NR1D2: variants seen among roughly 807,000 people sequenced by gnomAD.
NR1D2 encodes nuclear receptor subfamily 1 group D member 2.
Under a neutral mutation model 52.2 loss-of-function variants are expected in NR1D2, and 25 were observed. The observed-to-expected ratio is 0.48, with a 90% CI of 0.35 to 0.67. NR1D2 has a LOEUF of 0.67. Among genes scored for constraint, NR1D2 ranks in the 30% least tolerant of loss-of-function variants. The pLI, the probability that NR1D2 is intolerant of heterozygous loss-of-function variation, is 0.01. For synonymous variants in NR1D2, 259 were observed against 230.1 expected (o/e 1.13, Z -1.14); for missense variants, 681 against 707.2 (o/e 0.96, Z 0.42).
intron 7 of NR1D2, among the ~76,000 whole-genome samples, chr3:23,975,707 G>T (rs902309968): frequency 6.6e-6 from 1 of 152,032 alleles, no homozygotes; most frequent in Non-Finnish European, 1.5e-5. Context: ...GTAGTGAGCC[G>T]AGATCGCACC....
chr3:23,955,369 G>C (rs1706053917), intron 2 of NR1D2, among the ~76,000 whole-genome samples: 1 of 152,106 alleles, frequency 6.6e-6, no homozygotes, highest in Non-Finnish European at 1.5e-5. Flanking sequence ...AGTTCTGGTT[G>C]CATATCTGGT....
At chr3:23,965,425 T>G (rs1336404267) in intron 6 of NR1D2, among the ~76,000 whole-genome samples, 1 of 150,974 alleles carries the variant, frequency 6.6e-6, no homozygotes, top group African/African-American at 2.4e-5. Flanking sequence ...TTTTTTTTTT[T>G]TTGTAGAAAC....
rs966309923 is a variant in NR1D2 at position 23,979,610 on chromosome 3, A to T, written c.*2191A>T. Reference sequence around the variant, plus strand: ...TTTGCATTTTGTCTTGTAAAATTTTATTTGAATAAATTCTTCCTGTAGGTA... The same window carrying T: ...TTTGCATTTTGTCTTGTAAAATTTTTTTTGAATAAATTCTTCCTGTAGGTA... On this transcript the variant is annotated 3_prime_UTR_variant, in exon 8 of 8. Coordinates refer to ENST00000312521, the MANE Select transcript of NR1D2 (RefSeq NM_005126.5). The T allele has an allele frequency of 1.5e-4, 23 of 152,084 alleles. No homozygotes were observed. The highest frequency in any genetic ancestry group is 1.3e-3 in the Admixed American group (20 of 15,274). 9.4% of individuals were successfully genotyped at this position (152,084 alleles called of 1,614,324 possible).
At chr3:23,954,499 C>T (rs781447747) in intron 1 of NR1D2, 38 bp from the exon 2 acceptor site, 17 of 1,569,344 alleles carry the variant, frequency 1.1e-5, no homozygotes, top group Non-Finnish European at 1.1e-5. Flanking sequence ...TACGTATTAT[C>T]TTGTATCTAA....
intron 2 of NR1D2, 48 bp from the exon 3 acceptor site, chr3:23,955,989 A>G: frequency 7.6e-7 from 1 of 1,309,626 alleles, no homozygotes; most frequent in Non-Finnish European, 1.1e-6. Context: ...AAGAAAACAG[A>G]CTCGGTGTTT....
At chr3:23,954,309 C>G (rs1706025382) in intron 1 of NR1D2, among the ~76,000 whole-genome samples, 1 of 152,188 alleles carries the variant, frequency 6.6e-6, no homozygotes, top group South Asian at 2.1e-4. Context: ...GTGTGCCGGG[C>G]CTATCTCCCT....
chr3:23,956,006 A>G (rs372780630), intron 2 of NR1D2, 31 bp from the exon 3 acceptor site: 8 of 1,508,252 alleles, frequency 5.3e-6, no homozygotes, highest in Non-Finnish European at 5.5e-6. Context: ...GTTTCCTCCT[A>G]CTTTTTACTT....
intron 1 of NR1D2, among the ~76,000 whole-genome samples, chr3:23,950,147 T>A (rs905934913): frequency 2.0e-5 from 3 of 152,220 alleles, no homozygotes; most frequent in Admixed American, 2.0e-4. Flanking sequence ...TCAAAAACAG[T>A]GTATGAAAAA....
intron 3 of NR1D2, among the ~76,000 whole-genome samples, chr3:23,957,346 G>C (rs1706106712): frequency 6.9e-6 from 1 of 144,960 alleles, no homozygotes; most frequent in African/African-American, 2.6e-5. Flanking sequence ...TATAGATGTA[G>C]CATTTTTTTC....
At chr3:23,950,173 C>T (rs751529542) in intron 1 of NR1D2, among the ~76,000 whole-genome samples, 19 of 152,306 alleles carry the variant, frequency 1.2e-4, no homozygotes, top group Middle Eastern at 3.4e-3. Context: ...TTATGAATGC[C>T]ATTTCATTTC....
chr3:23,954,228 C>T (rs1404346474), intron 1 of NR1D2, among the ~76,000 whole-genome samples: 1 of 152,124 alleles, frequency 6.6e-6, no homozygotes, highest in African/African-American at 2.4e-5. Context: ...AGGCTGGTCT[C>T]AAATTCCTAG....
intron 1 of NR1D2, among the ~76,000 whole-genome samples, chr3:23,953,444 G>C (rs1055261777): frequency 6.6e-6 from 1 of 151,864 alleles, no homozygotes; most frequent in East Asian, 1.9e-4. Flanking sequence ...TCTGTGTAGA[G>C]GGAATTAGCT....
chr3:23,967,892 T>C lies in NR1D2; in HGVS notation c.1412T>C (p.Val471Ala), dbSNP rs1256380844. 1 of 1,614,076 alleles carries C rather than the reference T, an allele frequency of 6.2e-7. No individual in the cohort carries two copies. Among genetic ancestry groups the C allele is most frequent in the East Asian group, 2.2e-5 (1 of 44,878 alleles). The change falls in exon 7 of 8, where the codon GTG becomes GCG. Residue 471 changes from valine to alanine, a missense_variant. Coordinates refer to ENST00000312521, the MANE Select transcript of NR1D2 (RefSeq NM_005126.5). ...VTFLSGKKYS[V>A]DDLHSMGAGD... ...TTTTTAAGTGGAAAGAAATATAGTG[T>C]GGATGATTTACACTCAATGGGAGCA...
chr3:23,958,694 T>C (rs1706151595), intron 3 of NR1D2, among the ~76,000 whole-genome samples: 1 of 137,726 alleles, frequency 7.3e-6, no homozygotes, highest in African/African-American at 2.7e-5. Context: ...GTGCCTGTAA[T>C]CCTAGCACTT....
In NR1D2 at chr3:23,946,065, C is replaced by T. The variant is rs569399477; in HGVS notation, c.16+471C>T. 26 of 980,808 alleles carry T rather than the reference C, an allele frequency of 2.7e-5. 1 individual carries two copies. In the South Asian group the frequency reaches 1.2e-3, roughly 45 times the overall value. The allele number at this position is 980,808 out of a possible 1,614,324, so 60.8% of individuals were successfully genotyped here. On this transcript the variant is annotated intron_variant, in intron 1 of 7. Transcript: ENST00000312521. ...CGCGCGCTGGCTGGGAGCGCCGCAG[C>T]CTCCCGGGAGGCTCCGCCCCTTTGG...
chr3:23,964,719 T>G, intron 5 of NR1D2: 2 of 327,654 alleles, frequency 6.1e-6, no homozygotes, highest in South Asian at 1.6e-4. Context: ...AACAGGTGTT[T>G]GAAATAGCTT....
chr3:23,969,406 C>G (rs911576123), intron 7 of NR1D2, among the ~76,000 whole-genome samples: 11 of 152,132 alleles, frequency 7.2e-5, no homozygotes, highest in African/African-American at 2.7e-4. Flanking sequence ...CCTTTTCTGA[C>G]CAGCTCTACC....
In NR1D2 at chr3:23,968,193, C is replaced by T. The variant is rs564295092; in HGVS notation, c.1543+170C>T. Reference sequence around the variant, plus strand: ...TGTGTAACTAATTTTTTCGTTATAACAATATATGTCAAAGTACTATAGGAA... The same window carrying T: ...TGTGTAACTAATTTTTTCGTTATAATAATATATGTCAAAGTACTATAGGAA... On this transcript the variant is annotated intron_variant, in intron 7 of 7. Transcript: ENST00000312521. Among the ~76,000 whole-genome samples the T allele has an allele frequency of 3.3e-5, 5 of 152,296 alleles. No homozygotes were observed. The East Asian group carries it at 7.7e-4, about 23-fold the overall frequency.
At chr3:23,970,476 AAAAG>A in intron 7 of NR1D2, among the ~76,000 whole-genome samples, 1 of 152,326 alleles carries the variant, frequency 6.6e-6, no homozygotes, top group Non-Finnish European at 1.5e-5. Flanking sequence ...AAATGGAAAA[AAAAG>A]GTTATAATAT....
Sources: gnomAD v4.1 joint callset for allele counts (sites outside exome capture counted in the v4.1 genomes callset) on GRCh38, gnomAD v4.1.1 for gene constraint, MANE v1.5 for transcripts, NCBI Gene and HGNC (gene_info 2026-07-23, HGNC 2026-07-21) for gene names.